The following SPMIP5 variants were observed in gnomAD, a reference collection of about 807,000 sequenced individuals.
SPMIP5 encodes the protein sperm-associated microtubule inner protein 5.
the SPMIP5 span, chr10:116,665,417 A>G: frequency 1.8e-5 from 10 of 568,550 alleles, no homozygotes; most frequent in East Asian, 1.8e-4. Flanking sequence ...AAAAAAAAAA[A>G]AAAAGAAAAA....
At chr10:116,665,624 G>T in the SPMIP5 span, 3 of 1,613,748 alleles carry the variant, frequency 1.9e-6, no homozygotes, top group Non-Finnish European at 8.5e-7. Flanking sequence ...TCAGGGGGTG[G>T]TACTGCAGAT....
the SPMIP5 span, among the ~76,000 whole-genome samples, chr10:116,667,026 T>A: frequency 6.6e-6 from 1 of 152,200 alleles, no homozygotes; most frequent in Non-Finnish European, 1.5e-5. Flanking sequence ...TGCATTTATC[T>A]ACAAATAGGG....
At chr10:116,668,918 C>T in the SPMIP5 span, among the ~76,000 whole-genome samples, 2 of 138,868 alleles carry the variant, frequency 1.4e-5, no homozygotes, top group African/African-American at 2.7e-5. Flanking sequence ...TCCCCCCACC[C>T]GCCGGCACAC....
the SPMIP5 span, chr10:116,665,857 AGCAAGACT>A: frequency 8.6e-5 from 135 of 1,573,784 alleles, no homozygotes; most frequent in Non-Finnish European, 6.1e-6. Flanking sequence ...CACAGCCTTC[AGCAAGACT>A]GGCCAGCAAG....
At chr10:116,668,177 AGACAGT>A in the SPMIP5 span, 741 of 1,378,996 alleles carry the variant, frequency 5.4e-4, 4 homozygotes, top group African/African-American at 9.6e-3. Flanking sequence ...GCACAGACAC[AGACAGT>A]GGGTCAAGGC....
chr10:116,665,862 G>A, the SPMIP5 span: 1 of 1,561,408 alleles, frequency 6.4e-7, no homozygotes, highest in Admixed American at 1.7e-5. Flanking sequence ...CCTTCAGCAA[G>A]ACTGGCCAGC....
chr10:116,664,013 CCT>C, the SPMIP5 span: 5 of 1,554,500 alleles, frequency 3.2e-6, no homozygotes, highest in African/African-American at 6.8e-5. Flanking sequence ...GTTTTGGGGT[CCT>C]CTCTCAGGGG....
At chr10:116,669,732 C>T in the SPMIP5 span, among the ~76,000 whole-genome samples, 9 of 152,128 alleles carry the variant, frequency 5.9e-5, no homozygotes, top group East Asian at 1.7e-3. Context: ...AAAGGGGGTG[C>T]GAACAGATGA....
chr10:116,664,336 G>T, the SPMIP5 span: 1 of 1,140,146 alleles, frequency 8.8e-7, no homozygotes, highest in Non-Finnish European at 1.2e-6. Flanking sequence ...ATAATAAATA[G>T]AATAAAATAC....
chr10:116,668,954 CACACACACACACACACAA>C, the SPMIP5 span, among the ~76,000 whole-genome samples: 1 of 151,540 alleles, frequency 6.6e-6, no homozygotes, highest in African/African-American at 2.4e-5. Flanking sequence ...CACACACACA[CACACACACACACACACAA>C]ACAAGGGAGA....
chr10:116,667,367 A>G, the SPMIP5 span, among the ~76,000 whole-genome samples: 161 of 152,312 alleles, frequency 1.1e-3, no homozygotes, highest in African/African-American at 3.6e-3. Context: ...ACTTTAAACC[A>G]CATAGTTTGT....
At chr10:116,666,874 C>A in the SPMIP5 span, among the ~76,000 whole-genome samples, 3 of 152,222 alleles carry the variant, frequency 2.0e-5, no homozygotes, top group African/African-American at 7.2e-5. Flanking sequence ...TCGAGTCTCG[C>A]TAAGGACCAA....
At chr10:116,664,264 C>T in the SPMIP5 span, 1 of 1,592,228 alleles carries the variant, frequency 6.3e-7, no homozygotes, top group Non-Finnish European at 8.6e-7. Flanking sequence ...GAGCTAACTC[C>T]ATATATTCTA....
the SPMIP5 span, among the ~76,000 whole-genome samples, chr10:116,666,292 CA>C: frequency 6.6e-6 from 1 of 152,124 alleles, no homozygotes; most frequent in Non-Finnish European, 1.5e-5. Context: ...CCCTGTTACA[CA>C]AAAAGGTAAA....
chr10:116,665,788 C>G, the SPMIP5 span: 1 of 1,613,912 alleles, frequency 6.2e-7, no homozygotes, highest in Non-Finnish European at 8.5e-7. Context: ...ATGTCATCCT[C>G]CTTGGACATT....
chr10:116,669,478 T>C, the SPMIP5 span, among the ~76,000 whole-genome samples: 2 of 152,322 alleles, frequency 1.3e-5, no homozygotes, highest in East Asian at 3.9e-4. Flanking sequence ...TTCTGAAAGC[T>C]TTCCACGCTT....
chr10:116,668,933 G>GCA, the SPMIP5 span, among the ~76,000 whole-genome samples: 543 of 135,368 alleles, frequency 4.0e-3, 4 homozygotes, highest in African/African-American at 9.1e-3. Context: ...GCACACACAT[G>GCA]CACACACACA....
the SPMIP5 span, among the ~76,000 whole-genome samples, chr10:116,667,083 C>G: frequency 6.6e-6 from 1 of 152,150 alleles, no homozygotes; most frequent in African/African-American, 2.4e-5. Context: ...GAGATCATCC[C>G]GGATTTAGGG....
the SPMIP5 span, among the ~76,000 whole-genome samples, chr10:116,667,183 G>A: frequency 6.6e-6 from 1 of 152,174 alleles, no homozygotes; most frequent in South Asian, 2.1e-4. Context: ...GCCGTGTGAG[G>A]ATGAAGAGAG....
Sources: gnomAD v4.1 joint callset for allele counts (sites outside exome capture counted in the v4.1 genomes callset) on GRCh38, gnomAD v4.1.1 for gene constraint, MANE v1.5 for transcripts, NCBI Gene and HGNC (gene_info 2026-07-23, HGNC 2026-07-21) for gene names.